The following FSCB variants were observed in gnomAD, a reference collection of about 807,000 sequenced individuals.
The protein encoded by FSCB is fibrous sheath CABYR-binding protein.
For synonymous variants in FSCB, 331 were observed against 336.6 expected (o/e 0.98, Z 0.18); for missense variants, 975 against 934.8 (o/e 1.04, Z -0.56).
chr14:44,504,253 T>A lies in FSCB; in HGVS notation c.*257A>T, dbSNP rs12147557. 18,149 of 308,102 alleles carry A rather than the reference T, an allele frequency of 0.059. 664 individuals carry two copies. The highest frequency in any genetic ancestry group is 0.074 in the Non-Finnish European group (12,463 of 169,040). The allele number at this position is 308,102 out of a possible 1,614,324, so 19.1% of individuals were successfully genotyped here. A position where few individuals can be genotyped will look rare whatever the true frequency, so the allele number is the denominator to read the frequency against. On this transcript the variant is annotated 3_prime_UTR_variant, in exon 1 of 1. Coordinates refer to ENST00000340446, the MANE Select transcript of FSCB (RefSeq NM_032135.4). ...GTCAACAAGTTTACTGTAGGAAGGA[T>A]ATTTTAAGCAATTTTTTTCAATTAT...
Position 44,505,281 on chromosome 14 carries a change from T to G in FSCB, c.1707A>C (p.Ile569=). ...VQSPSAKGVS[I]EEAPLELQPP... is the part of the protein sequence containing the mutation. ...GCTGAAGCTCAAGAGGGGCCTCTTCTATAGAAACTCCCTTAGCTGATGGAG... is the reference window on the plus strand; with the variant it reads ...GCTGAAGCTCAAGAGGGGCCTCTTCGATAGAAACTCCCTTAGCTGATGGAG... Residue 569 remains isoleucine (I), a synonymous_variant, in exon 1 of 1, where the codon ATA becomes ATC. Transcript: ENST00000340446. The G allele has an allele frequency of 6.2e-7, 1 of 1,612,800 alleles. No homozygotes were observed. The highest frequency in any genetic ancestry group is 8.5e-7 in the Non-Finnish European group (1 of 1,179,796).
rs78484213 is a variant in FSCB at position 44,507,127 on chromosome 14, C to T, written c.-140G>A. 4,377 of 687,204 alleles carry T rather than the reference C, an allele frequency of 6.4e-3. 145 individuals are homozygous for T. The African/African-American group carries it at 0.064, about 10-fold the overall frequency. 42.6% of individuals were successfully genotyped at this position (687,204 alleles called of 1,614,324 possible). A position where few individuals can be genotyped will look rare whatever the true frequency, so the allele number is the denominator to read the frequency against. On this transcript the variant is annotated 5_prime_UTR_variant, in exon 1 of 1. Transcript: ENST00000340446. ...TCAAGTAATGACCAAAAATCACAAA[C>T]GTACCAAGTGTCAAAGACTTTCCCT...
In FSCB at chr14:44,506,181, T is replaced by A; in HGVS notation, c.807A>T (p.Ile269=). ...PPSTEKFPAK[I]QPPLVEEATA... Reference sequence around the variant, plus strand: ...TGGCCTCTTCAACTAATGGAGGCTGTATTTTAGCTGGGAATTTTTCTGTTG... The same window carrying A: ...TGGCCTCTTCAACTAATGGAGGCTGAATTTTAGCTGGGAATTTTTCTGTTG... Residue 269 remains isoleucine (I), a synonymous_variant, in exon 1 of 1, where the codon ATA becomes ATT. Coordinates refer to ENST00000340446, the MANE Select transcript of FSCB (RefSeq NM_032135.4). 6.2e-7 allele frequency: 1 copy of A among 1,614,188 alleles called. No individual in the cohort carries two copies. The highest frequency in any genetic ancestry group is 1.1e-5 in the South Asian group (1 of 91,078).
chr14:44,505,801 A>T lies in FSCB; in HGVS notation c.1187T>A (p.Val396Glu), dbSNP rs200677373. The T allele has an allele frequency of 5.6e-6, 9 of 1,614,024 alleles. No individual in the cohort carries two copies. In the East Asian group the frequency reaches 1.8e-4, roughly 32 times the overall value. Residue 396 changes from valine (V) to glutamate (E), a missense_variant, in exon 1 of 1, where the codon GTA becomes GAA. Coordinates refer to ENST00000340446, the MANE Select transcript of FSCB (RefSeq NM_032135.4). ...GGCGCCCTCAGCTGGTAAAGGCTGT[A>T]CTTCAATGGGAGCCTTTTGTGCTGA... ...SPSAQKAPIE[V>E]QPLPAEGALE...
chr14:44,506,119 TG>T, the FSCB span: 1 of 1,614,026 alleles, frequency 6.2e-7, no homozygotes, highest in Non-Finnish European at 8.5e-7. Flanking sequence ...TACTTGGACA[TG>T]GGTCTCTTCA....
At chr14:44,505,513 CG>C in the FSCB span, 5 of 1,603,392 alleles carry the variant, frequency 3.1e-6, no homozygotes, top group Admixed American at 6.8e-5. Context: ...TAGTGGAGAC[CG>C]AGCTTCGGCA....
rs1881101808 is a variant in FSCB, at chr14:44,506,752, A to G, written c.236T>C (p.Val79Ala). ...TAACTTGACTTCTTTTTTCTCTTCT[A>G]CAATGGTGTCTGTCTGGAGAGACTT... ...TSKSLQTDTI[V>A]EEKKEVKLVE... Residue 79 changes from valine to alanine, a missense_variant, in exon 1 of 1, where the codon GTA becomes GCA. Transcript: ENST00000340446. 1.9e-6 allele frequency: 3 copies of G among 1,614,000 alleles called. No individual in the cohort carries two copies. The highest frequency in any genetic ancestry group is 1.7e-5 in the Admixed American group (1 of 60,004).
At position 44,505,601 on chromosome 14, in the gene FSCB, T is replaced by G. The variant is rs553066717; in HGVS notation, c.1387A>C (p.Lys463Gln). The change falls in exon 1 of 1, where the codon AAA (lysine) becomes CAA (glutamine). Residue 463 changes from lysine to glutamine, a missense_variant. Coordinates refer to ENST00000340446, the MANE Select transcript of FSCB (RefSeq NM_032135.4). ...APTEFQSPLP[K>Q]ETTAEEASAE... is the part of the protein sequence containing the mutation. Reference sequence around the variant, plus strand: ...GAGGCCTCTTCTGCAGTGGTCTCTTTAGGTAATGGAGACTGAAATTCAGTA... The same window carrying G: ...GAGGCCTCTTCTGCAGTGGTCTCTTGAGGTAATGGAGACTGAAATTCAGTA... 7.4e-6 allele frequency: 12 copies of G among 1,612,974 alleles called. No homozygotes were observed. The African/African-American group carries it at 1.6e-4, about 22-fold the overall frequency.
At position 44,506,211 on chromosome 14, in the gene FSCB, A is replaced by G. The variant is rs1284621897; in HGVS notation, c.777T>C (p.Pro259=). The change falls in exon 1 of 1, where the codon CCT becomes CCC. Residue 259 remains proline, a synonymous_variant. Coordinates refer to ENST00000340446, the MANE Select transcript of FSCB (RefSeq NM_032135.4). ...TAGCTGGGAATTTTTCTGTTGATGG[A>G]GGCTCTATTTCAGCAGAAGCCACTT... The part of the protein sequence containing the change: ...VKKVASAEIE[P]PSTEKFPAKI... The G allele has an allele frequency of 6.2e-7, 1 of 1,614,136 alleles. No individual in the cohort carries two copies. The highest frequency in any genetic ancestry group is 8.5e-7 in the Non-Finnish European group (1 of 1,180,028).
In FSCB at chr14:44,506,599, C is replaced by G; in HGVS notation, c.389G>C (p.Arg130Thr). ...NIPSVQLKMD[R>T]SQQTSRTGYW... is the part of the protein sequence containing the mutation. ...TCCTGTACGGCTGGTCTGCTGAGAT[C>G]TGTCCATTTTTAGTTGAACTGAAGG... The change falls in exon 1 of 1, where the codon AGA (arginine) becomes ACA (threonine). Residue 130 changes from arginine (R) to threonine (T), a missense_variant. Physicochemically the swap from Arg to Thr is moderately conservative, Grantham distance 71 (BLOSUM62 -1). Transcript: ENST00000340446. 6.2e-7 allele frequency: 1 copy of G among 1,614,174 alleles called. No homozygotes were observed. The highest frequency in any genetic ancestry group is 8.5e-7 in the Non-Finnish European group (1 of 1,180,032).
At position 44,506,200 on chromosome 14, in the gene FSCB, T is replaced by C. The variant is rs777121602; in HGVS notation, c.788A>G (p.Glu263Gly). 43 of 1,614,102 alleles carry C rather than the reference T, an allele frequency of 2.7e-5. No homozygotes were observed. Among genetic ancestry groups the C allele is most frequent in the Non-Finnish European group, 3.6e-5 (43 of 1,180,054 alleles). The stretch of plus-strand genomic sequence containing the variant: ...AGGCTGTATTTTAGCTGGGAATTTT[T>C]CTGTTGATGGAGGCTCTATTTCAGC... ...ASAEIEPPST[E>G]KFPAKIQPPL... The change falls in exon 1 of 1, where the codon GAA (glutamate) becomes GGA (glycine). Residue 263 changes from glutamate to glycine, a missense_variant. Glu to Gly is a moderately conservative substitution (Grantham distance 98). Transcript: ENST00000340446.
Position 44,505,508 on chromosome 14 carries a change from G to T in FSCB, c.1480C>A (p.Pro494Thr). 6.2e-7 allele frequency: 1 copy of T among 1,611,944 alleles called. No individual in the cohort carries two copies. The highest frequency in any genetic ancestry group is 8.5e-7 in the Non-Finnish European group (1 of 1,179,858). Reference sequence around the variant, plus strand: ...TCTGCAGAAGTCTCCTCAGATAGTGGAGACCGAGCTTCGGCAGGAGTTTCA... The same window carrying T: ...TCTGCAGAAGTCTCCTCAGATAGTGTAGACCGAGCTTCGGCAGGAGTTTCA... ...ADETPAEARS[P>T]LSEETSAEEA... The change falls in exon 1 of 1, where the codon CCA becomes ACA. Residue 494 changes from proline to threonine, a missense_variant. Physicochemically the swap from Pro to Thr is conservative, Grantham distance 38. Coordinates refer to ENST00000340446, the MANE Select transcript of FSCB (RefSeq NM_032135.4).
chr14:44,504,849 G>A lies in FSCB; in HGVS notation c.2139C>T (p.Ser713=), dbSNP rs1881024766. ...CAGCTGGTGGGGAATGTTTGTCAAC[G>A]GAGGCCTCTTCTGCAGGGACATCAT... ...PADDVPAEEA[S]VDKHSPPADL... is the part of the protein sequence containing the mutation. Residue 713 remains serine, a synonymous_variant, in exon 1 of 1, where the codon TCC becomes TCT. Coordinates refer to ENST00000340446, the MANE Select transcript of FSCB (RefSeq NM_032135.4). 22 of 1,613,920 alleles carry A rather than the reference G, an allele frequency of 1.4e-5. No individual in the cohort carries two copies. The highest frequency in any genetic ancestry group is 1.6e-4 in the Middle Eastern group (1 of 6,078).
Position 44,507,187 on chromosome 14 carries a change from A to T in FSCB, c.-200T>A. The T allele has an allele frequency of 1.9e-6, 1 of 518,954 alleles. No homozygotes were observed. The highest frequency in any genetic ancestry group is 3.1e-5 in the East Asian group (1 of 32,370). The allele number at this position is 518,954 out of a possible 1,614,324, so 32.1% of individuals were successfully genotyped here. ...GTCATTCTGTTGAGCTCCCTCAGAAAAAAAGTAATTCATAAGCTATTGCAT... is the reference window on the plus strand; with the variant it reads ...GTCATTCTGTTGAGCTCCCTCAGAATAAAAGTAATTCATAAGCTATTGCAT... On this transcript the variant is annotated 5_prime_UTR_variant, in exon 1 of 1. Coordinates refer to ENST00000340446, the MANE Select transcript of FSCB (RefSeq NM_032135.4).
rs1376700930 is a variant in FSCB, at chr14:44,504,813, C to T, written c.2175G>A (p.Leu725=). Residue 725 remains leucine (L), a synonymous_variant, in exon 1 of 1, where the codon CTG becomes CTA. Coordinates refer to ENST00000340446, the MANE Select transcript of FSCB (RefSeq NM_032135.4). ...CCTCTCCTATAGGAAACTCCTCAGT[C>T]AGAAGCAAATCAGCTGGTGGGGAAT... ...DKHSPPADLL[L]TEEFPIGEAS... 8 of 1,613,992 alleles carry T rather than the reference C, an allele frequency of 5.0e-6. No homozygotes were observed. In the Admixed American group the frequency reaches 1.0e-4, roughly 20 times the overall value.
rs1280713793 is a variant in FSCB at position 44,504,403 on chromosome 14, C to T, written c.*107G>A. ...CCTGTATTCCAAGTCTTGGGGTCCC[C>T]TTTAATTTGCCTTATTGACAAAGCT... On this transcript the variant is annotated 3_prime_UTR_variant, in exon 1 of 1. Transcript: ENST00000340446. 1.3e-6 allele frequency: 1 copy of T among 773,244 alleles called. No homozygotes were observed. Among genetic ancestry groups the T allele is most frequent in the Non-Finnish European group, 2.0e-6 (1 of 493,664 alleles). 47.9% of individuals were successfully genotyped at this position (773,244 alleles called of 1,614,324 possible).
chr14:44,506,871 G>T lies in FSCB; in HGVS notation c.117C>A (p.Gly39=). The T allele has an allele frequency of 6.2e-7, 1 of 1,613,660 alleles. No individual in the cohort carries two copies. The highest frequency in any genetic ancestry group is 8.5e-7 in the Non-Finnish European group (1 of 1,179,618). The change falls in exon 1 of 1, where the codon GGC becomes GGA. Residue 39 remains glycine, a synonymous_variant. Coordinates refer to ENST00000340446, the MANE Select transcript of FSCB (RefSeq NM_032135.4). ...HRIGNTSGSK[G]SYSAKAYESI... Reference sequence around the variant, plus strand: ...ACTCATAGGCTTTGGCAGAGTAGCTGCCTTTGCTTCCAGAAGTATTACCAA... The same window carrying T: ...ACTCATAGGCTTTGGCAGAGTAGCTTCCTTTGCTTCCAGAAGTATTACCAA...
At position 44,506,933 on chromosome 14, in the gene FSCB, T is replaced by C. The variant is rs763819335; in HGVS notation, c.55A>G (p.Ile19Val). 8.1e-6 allele frequency: 13 copies of C among 1,601,312 alleles called. No individual in the cohort carries two copies. The highest frequency in any genetic ancestry group is 2.2e-5 in the East Asian group (1 of 44,510). Reference sequence around the variant, plus strand: ...GCTTTGGGGCTAGATGATTTTGGTATGGCCATGTGTTTCTTTTTCTCTATT... The same window carrying C: ...GCTTTGGGGCTAGATGATTTTGGTACGGCCATGTGTTTCTTTTTCTCTATT... ...DVIEKKKHMA[I>V]PKSSSPKATH... The change falls in exon 1 of 1, where the codon ATA becomes GTA. Residue 19 changes from isoleucine (I) to valine (V), a missense_variant. Coordinates refer to ENST00000340446, the MANE Select transcript of FSCB (RefSeq NM_032135.4).
In FSCB at chr14:44,504,844, T is replaced by C. The variant is rs1019910979; in HGVS notation, c.2144A>G (p.Asp715Gly). Residue 715 changes from aspartate to glycine, a missense_variant, in exon 1 of 1, where the codon GAC (aspartate) becomes GGC (glycine). Coordinates refer to ENST00000340446, the MANE Select transcript of FSCB (RefSeq NM_032135.4). ...DDVPAEEASV[D>G]KHSPPADLLL... ...CAAATCAGCTGGTGGGGAATGTTTG[T>C]CAACGGAGGCCTCTTCTGCAGGGAC... The C allele has an allele frequency of 5.6e-6, 9 of 1,614,042 alleles. No homozygotes were observed. The highest frequency in any genetic ancestry group is 5.0e-5 in the Admixed American group (3 of 59,996).
Sources: gnomAD v4.1 joint callset for allele counts on GRCh38, gnomAD v4.1.1 for gene constraint, MANE v1.5 for transcripts, NCBI Gene and HGNC (gene_info 2026-07-23, HGNC 2026-07-21) for gene names.